Variants in HERC2 observed in about 807,000 individuals in gnomAD.
The protein encoded by HERC2 is E3 ubiquitin-protein ligase HERC2.
HERC2 carries 102 observed loss-of-function variants against 537.7 expected under a neutral mutation model. The ratio of observed to expected loss-of-function variants is 0.19; its 90% CI spans 0.16 to 0.22. The LOEUF is 0.22. HERC2 is among the 10% of genes least tolerant of loss of function. HERC2 has a pLI of 1.00. For missense variants in HERC2, 4,236 were observed against 6,198.2 expected (o/e 0.68, Z 10.63); for synonymous variants, 2,224 against 2,466.2 (o/e 0.90, Z 2.91).
At chr15:28,172,053 G>A (rs543045579) in intron 65 of HERC2, among the ~76,000 whole-genome samples, 4 of 143,410 alleles carry the variant, frequency 2.8e-5, no homozygotes, top group Admixed American at 1.4e-4. Context: ...CCAGCCTGGC[G>A]ACAGAGCGAG....
At chr15:28,293,244 A>G (rs1211252011) in intron 3 of HERC2, among the ~76,000 whole-genome samples, 2 of 152,216 alleles carry the variant, frequency 1.3e-5, no homozygotes, top group African/African-American at 4.8e-5. Flanking sequence ...CTGTAATCCC[A>G]GCACTTTGGG....
intron 65 of HERC2, among the ~76,000 whole-genome samples, chr15:28,173,059 C>T (rs150977682): frequency 1.1e-3 from 165 of 152,320 alleles, no homozygotes; most frequent in African/African-American, 3.8e-3. Flanking sequence ...TACCACCATA[C>T]GTCTATCAGT....
At position 28,202,141 on chromosome 15, in the gene HERC2, T is replaced by C. The variant is rs754819490; in HGVS notation, c.7589A>G (p.Glu2530Gly). Residue 2530 changes from glutamate (E) to glycine (G), a missense_variant, in exon 47 of 93, where the codon GAG becomes GGG. Coordinates refer to ENST00000261609, the MANE Select transcript of HERC2 (RefSeq NM_004667.6). ...GGAGTAGGCGGCATCATCCACGTCC[T>C]CCACCACCTCCTCGTCAGAATACTC... Reference protein sequence around the residue: ...SDEYSDEEVVEDVDDAAYSMS... With the variant: ...SDEYSDEEVVGDVDDAAYSMS... 3 of 1,568,772 alleles carry C rather than the reference T, an allele frequency of 1.9e-6. No homozygotes were observed. The highest frequency in any genetic ancestry group is 2.6e-6 in the Non-Finnish European group (3 of 1,144,020).
At chr15:28,191,432 A>AC (rs1896846812) in intron 53 of HERC2, among the ~76,000 whole-genome samples, 188 bp from the exon 54 acceptor site, 1 of 152,190 alleles carries the variant, frequency 6.6e-6, no homozygotes, top group Non-Finnish European at 1.5e-5. Flanking sequence ...TTGTTAGAGA[A>AC]AAGTCTCACT....
intron 83 of HERC2, among the ~76,000 whole-genome samples, chr15:28,127,057 C>G (rs141249707): frequency 1.4e-3 from 217 of 152,334 alleles, no homozygotes; most frequent in African/African-American, 5.1e-3. Flanking sequence ...CTCATGTTCT[C>G]TGGAGACACC....
At chr15:28,206,642 G>C (rs1023116029) in intron 44 of HERC2, among the ~76,000 whole-genome samples, 1 of 151,494 alleles carries the variant, frequency 6.6e-6, no homozygotes, top group African/African-American at 2.4e-5. Context: ...GACCATCCTG[G>C]GTAACACGGT....
chr15:28,208,743 C>T (rs568683925), intron 44 of HERC2, among the ~76,000 whole-genome samples: 1 of 152,340 alleles, frequency 6.6e-6, no homozygotes, highest in East Asian at 1.9e-4. Context: ...CAGCAAAGTG[C>T]TTGTCTGCTG....
At chr15:28,310,148 T>C (rs1036902702) in intron 2 of HERC2, among the ~76,000 whole-genome samples, 1 of 152,152 alleles carries the variant, frequency 6.6e-6, no homozygotes, top group Non-Finnish European at 1.5e-5. Context: ...ACAAAAAAAT[T>C]GTAAAATTAG....
Position 28,117,119 on chromosome 15 carries a change from G to A in HERC2, c.13308C>T (p.Gly4436=), listed in dbSNP as rs1347024012. The A allele has an allele frequency of 6.2e-7, 1 of 1,613,926 alleles. No homozygotes were observed. Among genetic ancestry groups the A allele is most frequent in the East Asian group, 2.2e-5 (1 of 44,890 alleles). The change falls in exon 87 of 93, where the codon GGC becomes GGT. Residue 4436 remains glycine, a synonymous_variant. Coordinates refer to ENST00000261609, the MANE Select transcript of HERC2 (RefSeq NM_004667.6). The stretch of plus-strand genomic sequence containing the variant: ...CAAAGACAGACTTGGTGCCGTCGGG[G>A]CCGGCCAGCCCGCCTTTGCTCCTTG... The part of the protein sequence containing the change: ...KRSRSKGGLA[G]PDGTKSVFGQ...
At chr15:28,125,869 G>A (rs1889420149) in intron 83 of HERC2, among the ~76,000 whole-genome samples, 1 of 152,134 alleles carries the variant, frequency 6.6e-6, no homozygotes, top group South Asian at 2.1e-4. Context: ...GGAATGCAGT[G>A]GTGCGATCTC....
chr15:28,306,636 T>A (rs2076797180), intron 2 of HERC2, among the ~76,000 whole-genome samples: 1 of 152,242 alleles, frequency 6.6e-6, no homozygotes, highest in Non-Finnish European at 1.5e-5. Flanking sequence ...ATAGTTTCAC[T>A]AGGATTGGTA....
intron 4 of HERC2, among the ~76,000 whole-genome samples, chr15:28,288,985 C>T (rs577121985): frequency 6.6e-6 from 1 of 152,040 alleles, no homozygotes; most frequent in Admixed American, 6.6e-5. Flanking sequence ...CACAGCAACA[C>T]TGCCAACCAA....
At position 28,113,494 on chromosome 15, in the gene HERC2, ACT is replaced by A; in HGVS notation, c.14019+77_14019+78del. The A allele has an allele frequency of 3.1e-6, 4 of 1,296,674 alleles. No homozygotes were observed. Among genetic ancestry groups the A allele is most frequent in the Admixed American group, 1.7e-5 (1 of 57,680 alleles). 80.3% of individuals were successfully genotyped at this position (1,296,674 alleles called of 1,614,324 possible). Reference sequence around the variant, plus strand: ...AGTCAACACACAGGGCAAGGTTCTGACTCTAACTGCTGTCACTGATTTGTGGG... The same window carrying A: ...AGTCAACACACAGGGCAAGGTTCTGACTAACTGCTGTCACTGATTTGTGGG... On this transcript the variant is annotated intron_variant, in intron 91 of 92. Transcript: ENST00000261609. The surrounding 1 kb of genome is among the most constrained non-coding windows in gnomAD (Gnocchi z 7.0).
intron 2 of HERC2, among the ~76,000 whole-genome samples, chr15:28,308,694 T>C (rs2076858735): frequency 6.6e-6 from 1 of 152,248 alleles, no homozygotes; most frequent in Admixed American, 6.5e-5. Context: ...GTCTGTCATA[T>C]ACGGCTTTTA....
chr15:28,306,266 T>C, intron 2 of HERC2, among the ~76,000 whole-genome samples: 1 of 152,146 alleles, frequency 6.6e-6, no homozygotes, highest in Non-Finnish European at 1.5e-5. Context: ...TTTTTGGGGG[T>C]TTTTATCATG....
At chr15:28,315,380 C>CT (rs2077054271) in intron 2 of HERC2, among the ~76,000 whole-genome samples, 1 of 152,216 alleles carries the variant, frequency 6.6e-6, no homozygotes, top group Non-Finnish European at 1.5e-5. Flanking sequence ...AGCCGAAGGG[C>CT]GGCTCACAGG....
chr15:28,170,959 T>C lies in HERC2; in HGVS notation c.10058-1304A>G, dbSNP rs557150934. Among the ~76,000 whole-genome samples the C allele has an allele frequency of 1.5e-4, 23 of 152,328 alleles. No individual in the cohort carries two copies. In the South Asian group the frequency reaches 4.6e-3, roughly 30 times the overall value. On this transcript the variant is annotated intron_variant, in intron 65 of 92. Coordinates refer to ENST00000261609, the MANE Select transcript of HERC2 (RefSeq NM_004667.6). ...TGAGATACAATGACCTATCTATCAG[T>C]ATGGCTACATTTTAAAAAGATGGTG...
At chr15:28,155,224 A>G (rs1239233316) in intron 69 of HERC2, among the ~76,000 whole-genome samples, 1 of 152,082 alleles carries the variant, frequency 6.6e-6, no homozygotes, top group Non-Finnish European at 1.5e-5. Flanking sequence ...CACAATAAAC[A>G]TATGTGTGCA....
Position 28,135,711 on chromosome 15 carries a change from A to G in HERC2, c.12016-19T>C. 1 of 1,579,754 alleles carries G rather than the reference A, an allele frequency of 6.3e-7. No individual in the cohort carries two copies. Among genetic ancestry groups the G allele is most frequent in the Non-Finnish European group, 8.7e-7 (1 of 1,150,078 alleles). Reference sequence around the variant, plus strand: ...CATACAGCTAAGAAAAGAAAAAGCAATAGTAACATCAGTTTTTAATCTCAA... The same window carrying G: ...CATACAGCTAAGAAAAGAAAAAGCAGTAGTAACATCAGTTTTTAATCTCAA... On this transcript the variant is annotated intron_variant, in intron 78 of 92. Coordinates refer to ENST00000261609, the MANE Select transcript of HERC2 (RefSeq NM_004667.6).
Sources: allele counts gnomAD v4.1 joint callset (sites outside exome capture counted in the v4.1 genomes callset), GRCh38; gene constraint gnomAD v4.1.1; non-coding constraint Gnocchi (gnomAD v3.1); transcripts MANE v1.5; gene names NCBI Gene and HGNC (gene_info 2026-07-23, HGNC 2026-07-21).